SNURF: variants seen among roughly 807,000 people sequenced by gnomAD.
The protein encoded by SNURF is SNRPN upstream open reading frame.
SNURF carries 6 observed loss-of-function variants against 11.6 expected under a neutral mutation model. That is an observed-to-expected ratio of 0.52 (90% confidence interval 0.28 to 1.02). The LOEUF (loss-of-function observed/expected upper bound fraction) is 1.02. SNURF is among the 50% of genes least tolerant of loss of function. The pLI is 0.09. For synonymous variants in SNURF, 29 were observed against 31.6 expected (o/e 0.92, Z 0.27); for missense variants, 84 against 88.4 (o/e 0.95, Z 0.20).
At chr15:24,973,183 C>T (rs370893874), downstream of SNURF, among the ~76,000 whole-genome samples, 33 of 152,256 alleles carry the variant, frequency 2.2e-4, no homozygotes, top group South Asian at 6.4e-3. Context: ...GCCACCACAC[C>T]CAGCCTCTTC....
At chr15:24,972,707 G>C (rs1022364124), downstream of SNURF, among the ~76,000 whole-genome samples, 1 of 151,818 alleles carries the variant, frequency 6.6e-6, no homozygotes, top group Non-Finnish European at 1.5e-5. Flanking sequence ...TTACAATTCT[G>C]GCTAGATTTG....
downstream of SNURF, chr15:24,978,632 A>G (rs1049629638): frequency 4.8e-6 from 3 of 629,078 alleles, no homozygotes; most frequent in African/African-American, 5.5e-5. Flanking sequence ...TGAGATCTTA[A>G]GTTACTGTGG....
chr15:24,973,738 CT>C (rs2076740071), downstream of SNURF, among the ~76,000 whole-genome samples: 1 of 152,140 alleles, frequency 6.6e-6, no homozygotes, highest in Non-Finnish European at 1.5e-5. Flanking sequence ...ATTACTTGAT[CT>C]ATGAAAGTTG....
chr15:24,973,206 T>G (rs534883568), downstream of SNURF, among the ~76,000 whole-genome samples: 1 of 151,872 alleles, frequency 6.6e-6, no homozygotes, highest in South Asian at 2.1e-4. Context: ...TGTTTAACAT[T>G]GTATTGTGAG....
exon 4 of SNURF, chr15:24,975,388 C>T: frequency 1.2e-6 from 2 of 1,613,550 alleles, no homozygotes; most frequent in Non-Finnish European, 1.7e-6. Flanking sequence ...GATGCTGCAG[C>T]ACATTGACTA....
chr15:24,957,862 A>G (rs901888684), intron 1 of SNURF, among the ~76,000 whole-genome samples: 19 of 152,270 alleles, frequency 1.2e-4, no homozygotes, highest in Admixed American at 9.2e-4. Context: ...TCTTGCATTC[A>G]GGCCCGGGAT....
chr15:24,955,245 G>A (rs929685726), intron 1 of SNURF, among the ~76,000 whole-genome samples, 183 bp downstream of exon 1: 6 of 152,140 alleles, frequency 3.9e-5, no homozygotes, highest in African/African-American at 1.2e-4. Flanking sequence ...GTTCTGCCCC[G>A]ATGGTATCCT....
At chr15:24,956,580 T>G (rs568521972) in intron 1 of SNURF, among the ~76,000 whole-genome samples, 4 of 152,220 alleles carry the variant, frequency 2.6e-5, no homozygotes, top group African/African-American at 9.6e-5. Flanking sequence ...CCGCTTGCAG[T>G]GGGGCGAGAC....
At chr15:24,978,715 G>T (rs377684752), downstream of SNURF, 157 of 498,532 alleles carry the variant, frequency 3.1e-4, 2 homozygotes, top group South Asian at 4.6e-3. Context: ...AAGGTTTTCT[G>T]CTATCTAACT....
At chr15:24,964,307 C>T (rs979880271) in intron 2 of SNURF, among the ~76,000 whole-genome samples, 1 of 151,982 alleles carries the variant, frequency 6.6e-6, no homozygotes, top group Non-Finnish European at 1.5e-5. Flanking sequence ...GATATGAAAT[C>T]TCTTTTTTCA....
At chr15:24,970,945 G>A (rs538563798), downstream of SNURF, among the ~76,000 whole-genome samples, 580 of 152,110 alleles carry the variant, frequency 3.8e-3, 1 homozygote, top group Admixed American at 8.2e-3. Flanking sequence ...TTCGATGGAG[G>A]ATCTCTATGG....
At chr15:24,971,661 T>C (rs1250687756), downstream of SNURF, among the ~76,000 whole-genome samples, 1 of 152,170 alleles carries the variant, frequency 6.6e-6, no homozygotes, top group Non-Finnish European at 1.5e-5. Context: ...GTGGGAGTTA[T>C]TTATATCCTA....
downstream of SNURF, among the ~76,000 whole-genome samples, chr15:24,972,745 A>G (rs969029453): frequency 6.6e-6 from 1 of 152,122 alleles, no homozygotes; most frequent in African/African-American, 2.4e-5. Context: ...CATTTTATAA[A>G]TAATGGAGAA....
intron 2 of SNURF, among the ~76,000 whole-genome samples, chr15:24,963,009 T>C (rs897542721): frequency 4.4e-4 from 67 of 152,024 alleles, no homozygotes; most frequent in African/African-American, 1.6e-3. Context: ...CCAACTTAAC[T>C]GGCCTTTTCC....
At chr15:24,965,286 C>T (rs548059108) in intron 2 of SNURF, among the ~76,000 whole-genome samples, 3 of 152,142 alleles carry the variant, frequency 2.0e-5, no homozygotes, top group African/African-American at 7.2e-5. Context: ...GCCTGTAATC[C>T]CAGCACTTTG....
At chr15:24,976,891 G>A (rs1429345875) in exon 6 of SNURF, 2 of 1,608,046 alleles carry the variant, frequency 1.2e-6, no homozygotes, top group East Asian at 4.5e-5. Context: ...GCATTGCTCG[G>A]GTACCACTTG....
intron 1 of SNURF, among the ~76,000 whole-genome samples, chr15:24,958,524 T>C (rs1273053089): frequency 1.1e-5 from 1 of 94,630 alleles, no homozygotes; most frequent in Non-Finnish European, 2.1e-5. Context: ...TTTTTTTAAA[T>C]AGACCAGGGT....
chr15:24,978,069 C>T (rs1566978973), downstream of SNURF: 1 of 1,206,932 alleles, frequency 8.3e-7, no homozygotes, highest in Non-Finnish European at 1.2e-6. Context: ...GAGTAATTGT[C>T]ATATAGAAGT....
At chr15:24,969,421 G>T (rs892630204), downstream of SNURF, among the ~76,000 whole-genome samples, 1 of 152,046 alleles carries the variant, frequency 6.6e-6, no homozygotes, top group South Asian at 2.1e-4. Flanking sequence ...GACCTACCGC[G>T]CCCGGCCCAT....
Sources: gnomAD v4.1 joint callset for allele counts (sites outside exome capture counted in the v4.1 genomes callset) on GRCh38, gnomAD v4.1.1 for gene constraint, MANE v1.5 for transcripts, NCBI Gene and HGNC (gene_info 2026-07-23, HGNC 2026-07-21) for gene names.